The following TENT4A variants were observed in gnomAD, a reference collection of about 807,000 sequenced individuals.
TENT4A encodes the protein terminal nucleotidyltransferase 4A.
TENT4A carries 7 observed loss-of-function variants against 72.8 expected under a neutral mutation model. The observed-to-expected ratio is 0.10, with a 90% confidence interval of 0.05 to 0.18. The LOEUF (loss-of-function observed/expected upper bound fraction) is 0.18, where lower values mean the gene tolerates loss of function less well. Ranked by LOEUF, TENT4A falls within the 10% of genes least tolerant of loss-of-function variation. The pLI is 1.00. For synonymous variants in TENT4A, 456 were observed against 434.3 expected (o/e 1.05, Z -0.62); for missense variants, 831 against 1,017.7 (o/e 0.82, Z 2.50).
intron 1 of TENT4A, among the ~76,000 whole-genome samples, chr5:6,731,169 G>A (rs1741192297): frequency 6.6e-6 from 1 of 152,228 alleles, no homozygotes; most frequent in South Asian, 2.1e-4. Flanking sequence ...GAACATTGTG[G>A]AGCTGAAGTG....
At chr5:6,718,326 C>A (rs546974643) in intron 1 of TENT4A, among the ~76,000 whole-genome samples, 1 of 152,316 alleles carries the variant, frequency 6.6e-6, no homozygotes, top group South Asian at 2.1e-4. Flanking sequence ...TCCCCCCTCT[C>A]CCTCTAGCCT....
At chr5:6,753,161 G>A in intron 12 of TENT4A, 124 bp downstream of exon 12, 36 of 961,072 alleles carry the variant, frequency 3.7e-5, no homozygotes, top group Non-Finnish European at 5.3e-5. Flanking sequence ...TTGCTTTGTT[G>A]TCATTCAGCC....
chr5:6,748,240 TCGGCACTCA>T (rs1430619832), intron 7 of TENT4A, among the ~76,000 whole-genome samples: 3 of 152,228 alleles, frequency 2.0e-5, no homozygotes, highest in African/African-American at 7.2e-5. Context: ...ACCAGTCCTC[TCGGCACTCA>T]CAGACTGTGC....
At chr5:6,735,951 T>C (rs274690) in intron 1 of TENT4A, among the ~76,000 whole-genome samples, 89,608 of 151,854 alleles carry the variant, frequency 0.59, 27,167 homozygotes, top group Middle Eastern at 0.67. Flanking sequence ...TTAGCAGAGA[T>C]GGGGTTTCAC....
At chr5:6,750,259 G>A (rs28381413) in intron 9 of TENT4A, 72 bp from the exon 10 acceptor site, 14,625 of 1,346,258 alleles carry the variant, frequency 0.011, 109 homozygotes, top group Non-Finnish European at 0.014. Flanking sequence ...CAGAGCCCGT[G>A]ACTGATGCTG....
At chr5:6,737,735 C>T (rs949510163) in intron 2 of TENT4A, 102 bp downstream of exon 2, 26 of 1,320,020 alleles carry the variant, frequency 2.0e-5, no homozygotes, top group Admixed American at 1.4e-4. Flanking sequence ...GACCTTTTCT[C>T]GTTGGCCCGA....
chr5:6,721,590 G>T (rs7733818), intron 1 of TENT4A, among the ~76,000 whole-genome samples: 2,984 of 152,292 alleles, frequency 0.02, 70 homozygotes, highest in African/African-American at 0.058. Flanking sequence ...CCTGTCCCTG[G>T]TGTCCTGGAC....
rs1740253862 is a variant in TENT4A, at chr5:6,714,418, C to T, written c.435C>T (p.Arg145=). ...SASLGRPGGG[R]GGAFFNFADG... is the part of the protein sequence containing the mutation. ...CGCTGGGCCGGCCGGGCGGCGGCCG[C>T]GGCGGCGCCTTCTTCAACTTCGCCG... Residue 145 remains arginine, a synonymous_variant, in exon 1 of 13, where the codon CGC becomes CGT. Transcript: ENST00000230859. 2 of 1,153,332 alleles carry T rather than the reference C, an allele frequency of 1.7e-6. No individual in the cohort carries two copies. The highest frequency in any genetic ancestry group is 3.3e-5 in the African/African-American group (2 of 61,160). The allele number at this position is 1,153,332 out of a possible 1,614,324, so 71.4% of individuals were successfully genotyped here.
At chr5:6,746,848 G>A (rs922347198) in intron 7 of TENT4A, among the ~76,000 whole-genome samples, 15 of 152,100 alleles carry the variant, frequency 9.9e-5, no homozygotes, top group Non-Finnish European at 1.9e-4. Context: ...ATCCCACAAC[G>A]CAAACACGTT....
intron 1 of TENT4A, among the ~76,000 whole-genome samples, chr5:6,720,429 C>A (rs978504104): frequency 6.6e-6 from 1 of 152,162 alleles, no homozygotes; most frequent in Non-Finnish European, 1.5e-5. Context: ...ATGACTCTTG[C>A]AGATTGCCAG....
At chr5:6,714,764 G>GGCCGGCGCCCGCGGTT in intron 1 of TENT4A, 65 bp downstream of exon 1, 1 of 530,922 alleles carries the variant, frequency 1.9e-6, no homozygotes, top group Non-Finnish European at 2.5e-6. Context: ...CGCCCGCGGT[G>GGCCGGCGCCCGCGGTT]CAGACACCCG....
rs1432808497 is a variant in TENT4A at position 6,751,171 on chromosome 5, A to G, written c.1993A>G (p.Thr665Ala). The change falls in exon 11 of 13, where the codon ACA becomes GCA. Residue 665 changes from threonine to alanine, a missense_variant. By Grantham distance (58) the Thr-to-Ala change is moderately conservative (BLOSUM62 0). Coordinates refer to ENST00000230859, the MANE Select transcript of TENT4A (RefSeq NM_006999.6). Reference protein sequence around the residue: ...SGKPQPTTSRTLIMTTNNQTR... With the variant: ...SGKPQPTTSRALIMTTNNQTR... ...CAAACCTCAGCCCACCACTTCCAGA[A>G]CACTGATCATGACAACCAACAATCA... is the stretch of plus-strand genomic sequence containing the variant. The G allele has an allele frequency of 1.2e-6, 2 of 1,614,238 alleles. No homozygotes were observed. Among genetic ancestry groups the G allele is most frequent in the East Asian group, 2.2e-5 (1 of 44,888 alleles).
At chr5:6,730,104 C>G (rs949667267) in intron 1 of TENT4A, among the ~76,000 whole-genome samples, 2 of 149,872 alleles carry the variant, frequency 1.3e-5, no homozygotes, top group Admixed American at 6.7e-5. Context: ...CGCCCCCCCC[C>G]GGAGTGGCCC....
At chr5:6,718,969 GAAAA>G (rs144135037) in intron 1 of TENT4A, among the ~76,000 whole-genome samples, 6 of 139,992 alleles carry the variant, frequency 4.3e-5, no homozygotes, top group African/African-American at 1.6e-4. Flanking sequence ...CTTTTCGCAG[GAAAA>G]AAAAAAAAAG....
intron 1 of TENT4A, among the ~76,000 whole-genome samples, chr5:6,735,758 A>AC (rs1369695274): frequency 7.0e-6 from 1 of 143,486 alleles, no homozygotes; most frequent in African/African-American, 2.5e-5. Flanking sequence ...GTTTTTTCTT[A>AC]CTTTTTTTTT....
intron 6 of TENT4A, among the ~76,000 whole-genome samples, chr5:6,744,555 C>T (rs1469494433): frequency 6.6e-6 from 1 of 152,186 alleles, no homozygotes; most frequent in Non-Finnish European, 1.5e-5. Context: ...TGTGATTGTG[C>T]TGAGATTACC....
intron 1 of TENT4A, among the ~76,000 whole-genome samples, chr5:6,724,450 T>A (rs1008447662): frequency 9.9e-5 from 15 of 152,244 alleles, no homozygotes; most frequent in Non-Finnish European, 2.1e-4. Context: ...AGTGTCATTA[T>A]GAGTTACCTC....
chr5:6,739,927 C>T lies in TENT4A; in HGVS notation c.1008+75C>T, dbSNP rs575064164. ...CCCAGGTGGTCACAGGATACGCCTG[C>T]GTCACGAGCTTGTGGTATTTTACAC... On this transcript the variant is annotated intron_variant, in intron 4 of 12. Transcript: ENST00000230859. 3.2e-5 allele frequency: 45 copies of T among 1,420,264 alleles called. No homozygotes were observed. The East Asian group carries it at 7.4e-4, about 23-fold the overall frequency. 88.0% of individuals were successfully genotyped at this position (1,420,264 alleles called of 1,614,324 possible).
chr5:6,748,443 GA>G lies in TENT4A; in HGVS notation c.1460-20del. 1 of 1,613,794 alleles carries G rather than the reference GA, an allele frequency of 6.2e-7. No individual in the cohort carries two copies. Among genetic ancestry groups the G allele is most frequent in the Non-Finnish European group, 8.5e-7 (1 of 1,179,720 alleles). On this transcript the variant is annotated intron_variant, in intron 7 of 12. Transcript: ENST00000230859. ...GATGGTGTGCATGTGGGGAGGGTCT[GA>G]CATAGCCTTTTTGCTGCAGGGAATG...
Sources: gnomAD v4.1 joint callset for allele counts (sites outside exome capture counted in the v4.1 genomes callset) on GRCh38, gnomAD v4.1.1 for gene constraint, MANE v1.5 for transcripts, NCBI Gene and HGNC (gene_info 2026-07-23, HGNC 2026-07-21) for gene names.